TNFRSF11A: variants seen among roughly 807,000 people sequenced by gnomAD.
TNFRSF11A encodes TNF receptor superfamily member 11a.
TNFRSF11A carries 32 observed loss-of-function variants against 55.7 expected under a neutral mutation model. That is an observed-to-expected ratio of 0.57 (90% CI 0.43 to 0.77). TNFRSF11A has a LOEUF of 0.77. Ranked by LOEUF, TNFRSF11A falls within the 30% of genes least tolerant of loss-of-function variation. The pLI, the probability that TNFRSF11A is intolerant of heterozygous loss-of-function variation, is 0.00. For synonymous variants in TNFRSF11A, 311 were observed against 331.0 expected, an observed-to-expected ratio of 0.94 and a Z score of 0.65; for missense variants, 753 against 809.8, an observed-to-expected ratio of 0.93 and a Z score of 0.85.
At chr18:62,328,430 A>C (rs1207293962) in intron 1 of TNFRSF11A, among the ~76,000 whole-genome samples, 1 of 152,008 alleles carries the variant, frequency 6.6e-6, no homozygotes, top group African/African-American at 2.4e-5. Flanking sequence ...AGAAAAAAAA[A>C]AACAACCATA....
intron 3 of TNFRSF11A, among the ~76,000 whole-genome samples, chr18:62,351,646 A>G (rs1298093703): frequency 6.6e-6 from 1 of 152,224 alleles, no homozygotes; most frequent in Non-Finnish European, 1.5e-5. Flanking sequence ...TTTATCCTGT[A>G]GTGCAGTACA....
intron 9 of TNFRSF11A, chr18:62,372,922 A>T (rs1910648672): frequency 6.6e-6 from 1 of 152,198 alleles, no homozygotes; most frequent in South Asian, 2.1e-4. Context: ...TTGAAGGTCC[A>T]ATTTATTGAA....
rs1911442762 is a variant in TNFRSF11A, at chr18:62,383,525, A to T, written c.1568-1226A>T. ...GCCATTTTGACATTCCTGGCCCCTG[A>T]TCAAATGGAAGGATTCTGTTTGTGA... On this transcript the variant is annotated intron_variant, in intron 9 of 9. Coordinates refer to ENST00000586569, the MANE Select transcript of TNFRSF11A (RefSeq NM_003839.4). The surrounding 1 kb of genome is among the most constrained non-coding windows in gnomAD (Gnocchi z 4.2). Among the ~76,000 whole-genome samples, 1 of 152,124 alleles carries T rather than the reference A, an allele frequency of 6.6e-6. No homozygotes were observed. The highest frequency in any genetic ancestry group is 6.5e-5 in the Admixed American group (1 of 15,268).
At chr18:62,350,539 G>A (rs368647250) in intron 3 of TNFRSF11A, among the ~76,000 whole-genome samples, 2 of 152,072 alleles carry the variant, frequency 1.3e-5, no homozygotes, top group African/African-American at 2.4e-5. Context: ...TGATCTGCCC[G>A]CCTCGGCCTT....
At chr18:62,339,802 G>T (rs2046285936) in intron 1 of TNFRSF11A, among the ~76,000 whole-genome samples, 1 of 152,186 alleles carries the variant, frequency 6.6e-6, no homozygotes, top group Non-Finnish European at 1.5e-5. Context: ...AGGCAAAGGT[G>T]AATGACTCAG....
intron 5 of TNFRSF11A, among the ~76,000 whole-genome samples, chr18:62,358,798 C>G (rs1484573411): frequency 6.6e-6 from 1 of 151,920 alleles, no homozygotes; most frequent in Non-Finnish European, 1.5e-5. Flanking sequence ...GAAGCTTTTT[C>G]TATATTAGTT....
At chr18:62,334,015 G>A (rs11874150) in intron 1 of TNFRSF11A, among the ~76,000 whole-genome samples, 48,651 of 151,768 alleles carry the variant, frequency 0.32, 7,894 homozygotes, top group South Asian at 0.38. Flanking sequence ...ACAGGTGCTC[G>A]TCACCATGCC....
At chr18:62,332,932 C>A (rs1434921296) in intron 1 of TNFRSF11A, among the ~76,000 whole-genome samples, 1 of 152,192 alleles carries the variant, frequency 6.6e-6, no homozygotes, top group Non-Finnish European at 1.5e-5. Flanking sequence ...AGGAGGAACA[C>A]ATGAGATGCC....
chr18:62,338,256 G>A (rs551440136), intron 1 of TNFRSF11A, among the ~76,000 whole-genome samples: 3 of 152,306 alleles, frequency 2.0e-5, no homozygotes, highest in South Asian at 2.1e-4. Context: ...CCACCCCTGC[G>A]GAAAACAGTT....
chr18:62,390,869 T>C lies in TNFRSF11A; in HGVS notation c.*5835T>C, dbSNP rs955790977. 3 of 152,238 alleles carry C rather than the reference T, an allele frequency of 2.0e-5. No homozygotes were observed. Among genetic ancestry groups the C allele is most frequent in the Non-Finnish European group, 2.9e-5 (2 of 68,042 alleles). The allele number at this position is 152,238 out of a possible 1,614,324, so 9.4% of individuals were successfully genotyped here. A position where few individuals can be genotyped will look rare whatever the true frequency, so the allele number is the denominator to read the frequency against. On this transcript the variant is annotated 3_prime_UTR_variant, in exon 10 of 10. Transcript: ENST00000586569. ...ATTTTTTACATCGGGTCTATTGAGT[T>C]TGTTATATACAGTAAAATTCACCCT...
rs545050486 is a variant in TNFRSF11A at position 62,384,359 on chromosome 18, CT to C, written c.1568-391del. ...CTCCTCTTCCCCTCCTTTACCTCCC[CT>C]CCTCCTCTCCTCCTCCTCTTCCTCC... On this transcript the variant is annotated intron_variant, in intron 9 of 9. Coordinates refer to ENST00000586569, the MANE Select transcript of TNFRSF11A (RefSeq NM_003839.4). Among the ~76,000 whole-genome samples the C allele has an allele frequency of 2.9e-3, 404 of 139,750 alleles. 6 individuals are homozygous for C. Among genetic ancestry groups the C allele is most frequent in the Middle Eastern group, 0.011 (3 of 276 alleles). The allele number at this position is 139,750 out of a possible 152,430, so 91.7% of individuals were successfully genotyped here.
intron 9 of TNFRSF11A, among the ~76,000 whole-genome samples, chr18:62,370,977 A>G (rs1437854491): frequency 6.6e-6 from 1 of 151,920 alleles, no homozygotes; most frequent in African/African-American, 2.4e-5. Context: ...CTATAGGCGC[A>G]TGCCACCACA....
At chr18:62,364,214 G>A (rs1377863873) in intron 7 of TNFRSF11A, among the ~76,000 whole-genome samples, 1 of 152,192 alleles carries the variant, frequency 6.6e-6, no homozygotes, top group Non-Finnish European at 1.5e-5. Flanking sequence ...AGGGGCATCA[G>A]GAGAACCACA....
At chr18:62,342,915 G>A (rs2046334212) in intron 1 of TNFRSF11A, among the ~76,000 whole-genome samples, 1 of 152,176 alleles carries the variant, frequency 6.6e-6, no homozygotes. Flanking sequence ...AAAACAAAGT[G>A]CTTCAAAGAG....
intron 1 of TNFRSF11A, among the ~76,000 whole-genome samples, chr18:62,333,625 G>A (rs529702156): frequency 6.6e-6 from 1 of 152,338 alleles, no homozygotes; most frequent in African/African-American, 2.4e-5. Flanking sequence ...TGCACAGCTA[G>A]TGAGTGGCAG....
chr18:62,382,150 C>T lies in TNFRSF11A; in HGVS notation c.1568-2601C>T, dbSNP rs1301825720. ...TTTTTTTTGAGAGAGTCTTGCACTC[C>T]ACCCAGGCTGGGTGCAGTGGCGCGA... is the stretch of plus-strand genomic sequence containing the variant. On this transcript the variant is annotated intron_variant, in intron 9 of 9. Transcript: ENST00000586569. Among the ~76,000 whole-genome samples the T allele has an allele frequency of 4.2e-5, 6 of 141,616 alleles. No homozygotes were observed. In the East Asian group the frequency reaches 1.3e-3, roughly 30 times the overall value. The allele number at this position is 141,616 out of a possible 152,430, so 92.9% of individuals were successfully genotyped here. A position where few individuals can be genotyped will look rare whatever the true frequency, so the allele number is the denominator to read the frequency against.
At chr18:62,335,565 AT>A (rs2046219936) in intron 1 of TNFRSF11A, among the ~76,000 whole-genome samples, 1 of 152,222 alleles carries the variant, frequency 6.6e-6, no homozygotes, top group African/African-American at 2.4e-5. Flanking sequence ...AAGAGGCCTC[AT>A]GGGAGGCTCT....
At chr18:62,370,433 C>A (rs1600408900) in intron 9 of TNFRSF11A, among the ~76,000 whole-genome samples, 1 of 152,254 alleles carries the variant, frequency 6.6e-6, no homozygotes, top group East Asian at 1.9e-4. Flanking sequence ...GGCCGCCCCT[C>A]TCCAGAGATG....
At chr18:62,354,148 A>T (rs544152474) in intron 3 of TNFRSF11A, among the ~76,000 whole-genome samples, 53 of 152,312 alleles carry the variant, frequency 3.5e-4, no homozygotes, top group African/African-American at 1.2e-3. Flanking sequence ...ATTGACTTTT[A>T]AAAAAAGCCC....
Sources: gnomAD v4.1 joint callset for allele counts (sites outside exome capture counted in the v4.1 genomes callset) on GRCh38, gnomAD v4.1.1 for gene constraint, Gnocchi (gnomAD v3.1) non-coding constraint, MANE v1.5 for transcripts, NCBI Gene and HGNC (gene_info 2026-07-23, HGNC 2026-07-21) for gene names.